SGCG: variants seen among roughly 807,000 people sequenced by gnomAD.
The protein encoded by SGCG is gamma-sarcoglycan.
SGCG carries 26 observed loss-of-function variants against 29.3 expected under a neutral mutation model. The observed-to-expected ratio is 0.89, with a 90% CI of 0.65 to 1.23. The LOEUF (loss-of-function observed/expected upper bound fraction) is 1.23, where lower values mean the gene tolerates loss of function less well. SGCG is among the 50% of genes most tolerant of loss of function. The pLI is 0.00. For missense variants in SGCG, 353 were observed against 356.0 expected (o/e 0.99, Z 0.07); for synonymous variants, 145 against 129.7 (o/e 1.12, Z -0.80).
At chr13:23,173,997 C>G in the SGCG span, among the ~76,000 whole-genome samples, 5 of 152,180 alleles carry the variant, frequency 3.3e-5, no homozygotes, top group Non-Finnish European at 7.3e-5. Flanking sequence ...GGAACTATTT[C>G]AATCCAGAAT....
chr13:23,289,520 C>T (rs1481609225), intron 5 of SGCG, among the ~76,000 whole-genome samples: 1 of 152,198 alleles, frequency 6.6e-6, no homozygotes, highest in Non-Finnish European at 1.5e-5. Context: ...TTAAGTTACT[C>T]TCCCAGCTGA....
At chr13:23,219,943 C>G in intron 2 of SGCG, among the ~76,000 whole-genome samples, 1 of 146,994 alleles carries the variant, frequency 6.8e-6, no homozygotes, top group Non-Finnish European at 1.5e-5. Flanking sequence ...TCACGCCATT[C>G]TCCTGCCTCA....
chr13:23,213,062 C>T (rs1030680070), intron 2 of SGCG, among the ~76,000 whole-genome samples: 11 of 152,084 alleles, frequency 7.2e-5, no homozygotes. Flanking sequence ...ACTTTCTGTA[C>T]GGAGCTGTCA....
At chr13:23,299,456 A>ATATATTTTTTTTTTT (rs1882059808) in intron 6 of SGCG, among the ~76,000 whole-genome samples, 1 of 41,540 alleles carries the variant, frequency 2.4e-5, no homozygotes, top group Non-Finnish European at 4.8e-5. Context: ...ATATATATAT[A>ATATATTTTTTTTTTT]TTTTTTTTTT....
intron 3 of SGCG, among the ~76,000 whole-genome samples, chr13:23,250,174 CAT>C (rs1421571208): frequency 2.0e-5 from 3 of 152,124 alleles, no homozygotes; most frequent in Non-Finnish European, 4.4e-5. Context: ...CTGCTGTATA[CAT>C]AGATTTTTTT....
intron 2 of SGCG, among the ~76,000 whole-genome samples, chr13:23,226,336 T>C (rs897455423): frequency 6.6e-6 from 1 of 151,902 alleles, no homozygotes; most frequent in South Asian, 2.1e-4. Context: ...AAATCACTTA[T>C]AATGTCACCA....
At chr13:23,188,423 T>C (rs1877086194) in intron 1 of SGCG, among the ~76,000 whole-genome samples, 2 of 145,020 alleles carry the variant, frequency 1.4e-5, no homozygotes, top group African/African-American at 5.0e-5. Flanking sequence ...CCTCCCAGGT[T>C]CAAGCTATTC....
rs551931109 is a variant in SGCG, at chr13:23,270,168, C to T, written c.386-9191C>T. 2.6e-4 allele frequency among the ~76,000 whole-genome samples: 39 copies of T among 152,236 alleles called. No individual in the cohort carries two copies. The South Asian group carries it at 7.7e-3, about 30-fold the overall frequency. ...GGATTACAGGCGTGAGCCACGTGCC[C>T]GGCTGTATTTTGTTTTCTTGGAGGT... On this transcript the variant is annotated intron_variant, in intron 4 of 7. Transcript: ENST00000218867.
intron 4 of SGCG, among the ~76,000 whole-genome samples, chr13:23,257,335 C>T (rs9550939): frequency 2.6e-5 from 4 of 151,826 alleles, no homozygotes; most frequent in Admixed American, 6.6e-5. Flanking sequence ...TATGTATACA[C>T]GTGCCATGTT....
At chr13:23,303,034 CTG>C (rs1882224837) in intron 6 of SGCG, among the ~76,000 whole-genome samples, 1 of 152,226 alleles carries the variant, frequency 6.6e-6, no homozygotes, top group Non-Finnish European at 1.5e-5. Context: ...GAATTAGAAA[CTG>C]TGTAACTTGC....
chr13:23,190,884 C>T (rs987278565), intron 1 of SGCG, among the ~76,000 whole-genome samples: 1 of 152,110 alleles, frequency 6.6e-6, no homozygotes, highest in Non-Finnish European at 1.5e-5. Context: ...GTAAAATCCT[C>T]GTGTGTTAAA....
chr13:23,320,886 T>A, intron 7 of SGCG, 126 bp downstream of exon 7: 1 of 989,836 alleles, frequency 1.0e-6, no homozygotes, highest in Non-Finnish European at 1.6e-6. Flanking sequence ...GGTCATAGAG[T>A]AGCAAATGTA....
intron 2 of SGCG, among the ~76,000 whole-genome samples, chr13:23,206,825 CAAAT>C (rs979124187): frequency 1.3e-5 from 2 of 152,188 alleles, no homozygotes; most frequent in East Asian, 1.9e-4. Context: ...AAGACACAAA[CAAAT>C]GAGAAGACCT....
At chr13:23,261,281 A>T (rs1880428108) in intron 4 of SGCG, among the ~76,000 whole-genome samples, 2 of 151,956 alleles carry the variant, frequency 1.3e-5, no homozygotes, top group South Asian at 2.1e-4. Flanking sequence ...AGTAAAAAAA[A>T]ATCTCTAAAG....
At chr13:23,185,946 A>G (rs1876954026) in intron 1 of SGCG, among the ~76,000 whole-genome samples, 1 of 152,128 alleles carries the variant, frequency 6.6e-6, no homozygotes, top group African/African-American at 2.4e-5. Context: ...TTGTTTACCT[A>G]ATTTGGGAAC....
chr13:23,312,067 T>C (rs1882619798), intron 6 of SGCG, among the ~76,000 whole-genome samples: 1 of 152,246 alleles, frequency 6.6e-6, no homozygotes, highest in Non-Finnish European at 1.5e-5. Flanking sequence ...TCACCTTCTG[T>C]GTCTCTGCGG....
chr13:23,212,318 T>C (rs1289566471), intron 2 of SGCG, among the ~76,000 whole-genome samples: 1 of 152,184 alleles, frequency 6.6e-6, no homozygotes, highest in Non-Finnish European at 1.5e-5. Context: ...TGATCACCTC[T>C]GGTCTAAGAC....
intron 4 of SGCG, among the ~76,000 whole-genome samples, chr13:23,274,338 C>T (rs1279059368): frequency 2.0e-5 from 3 of 151,312 alleles, no homozygotes; most frequent in South Asian, 2.1e-4. Context: ...TTTTCTCCCT[C>T]AACTCACAGT....
chr13:23,219,308 A>G (rs2137524972), intron 2 of SGCG, among the ~76,000 whole-genome samples: 1 of 152,200 alleles, frequency 6.6e-6, no homozygotes, highest in South Asian at 2.1e-4. Flanking sequence ...TGGCCTCCCA[A>G]AGTGCTGGGA....
Sources: allele counts gnomAD v4.1 joint callset (sites outside exome capture counted in the v4.1 genomes callset), GRCh38; gene constraint gnomAD v4.1.1; transcripts MANE v1.5; gene names NCBI Gene and HGNC (gene_info 2026-07-23, HGNC 2026-07-21).